Variants in FAM83E observed in about 807,000 individuals in gnomAD.
The protein encoded by FAM83E is protein FAM83E.
FAM83E carries 29 observed loss-of-function variants against 34.3 expected under a neutral mutation model. The ratio of observed to expected loss-of-function variants is 0.85; its 90% CI spans 0.63 to 1.15. The LOEUF (loss-of-function observed/expected upper bound fraction) is 1.15, where lower values mean the gene tolerates loss of function less well. Among genes scored for constraint, FAM83E ranks in the 50% most tolerant of loss-of-function variants. The probability of loss-of-function intolerance (pLI) is 0.00; values close to 1 mark genes in which losing one functional copy is unlikely to be tolerated. For synonymous variants in FAM83E, 312 were observed against 311.6 expected, an observed-to-expected ratio of 1.00 and a Z score of -0.01; for missense variants, 697 against 685.0, an observed-to-expected ratio of 1.02 and a Z score of -0.20.
rs1412964459 is a variant in FAM83E at position 48,600,626 on chromosome 19, G to A, written c.*483C>T. Reference sequence around the variant, plus strand: ...TGGGATTACAGGAGTGAGCCACCTCGATCAGCCTTTCTTTTTCTTTTTTCT... The same window carrying A: ...TGGGATTACAGGAGTGAGCCACCTCAATCAGCCTTTCTTTTTCTTTTTTCT... On this transcript the variant is annotated 3_prime_UTR_variant, in exon 7 of 7. Coordinates refer to ENST00000263266, the MANE Select transcript of FAM83E (RefSeq NM_017708.4). Among the ~76,000 whole-genome samples, 4 of 149,738 alleles carry A rather than the reference G, an allele frequency of 2.7e-5. No homozygotes were observed. The highest frequency in any genetic ancestry group is 6.7e-5 in the Admixed American group (1 of 14,994).
Position 48,610,821 on chromosome 19 carries a change from G to T in FAM83E, c.492C>A (p.Phe164Leu). The change falls in exon 4 of 7, where the codon TTC becomes TTA. Residue 164 changes from phenylalanine (F) to leucine (L), a missense_variant. By Grantham distance (22) the Phe-to-Leu change is conservative. Transcript: ENST00000263266. The part of the protein sequence containing the change: ...HKLVAVVMDV[F>L]TDPDLLLDLV... The stretch of plus-strand genomic sequence containing the variant: ...AGTCCAAAAGCAGGTCTGGGTCAGT[G>T]AAGACGTCCATGACCACGGCCACCA... The T allele has an allele frequency of 6.3e-7, 1 of 1,595,332 alleles. No homozygotes were observed. Among genetic ancestry groups the T allele is most frequent in the Admixed American group, 1.7e-5 (1 of 57,374 alleles).
intron 5 of FAM83E, chr19:48,606,944 C>T: frequency 6.3e-7 from 1 of 1,591,928 alleles, no homozygotes; most frequent in Non-Finnish European, 8.5e-7. Flanking sequence ...AAGCCCACGG[C>T]CTGGCTGGGG....
At position 48,609,981 on chromosome 19, in the gene FAM83E, A is replaced by T; in HGVS notation, c.653T>A (p.Val218Glu). 6.2e-7 allele frequency: 1 copy of T among 1,612,486 alleles called. No individual in the cohort carries two copies. Among genetic ancestry groups the T allele is most frequent in the Non-Finnish European group, 8.5e-7 (1 of 1,179,982 alleles). The change falls in exon 5 of 7, where the codon GTG (valine) becomes GAG (glutamate). Residue 218 changes from valine (V) to glutamate (E), a missense_variant. By Grantham distance (121) the Val-to-Glu change is moderately radical. Transcript: ENST00000263266. The part of the protein sequence containing the change: ...WNTENVDVRV[V>E]RGCSFQSRWR... ...GCGGCTCTGGAAGCTGCAGCCCCGC[A>T]CGACACGGACATCCACGTTCTGTTG...
chr19:48,614,516 G>A lies in FAM83E; in HGVS notation c.-1144C>T. Reference sequence around the variant, plus strand: ...TCCCAAGCCTCAGTTATCCCCTTGAGGCTCCTGACCCAACCTCGGGGACCC... The same window carrying A: ...TCCCAAGCCTCAGTTATCCCCTTGAAGCTCCTGACCCAACCTCGGGGACCC... On this transcript the variant is annotated 5_prime_UTR_variant, in exon 3 of 7. Transcript: ENST00000263266. 1 of 985,570 alleles carries A rather than the reference G, an allele frequency of 1.0e-6. No individual in the cohort carries two copies. Among genetic ancestry groups the A allele is most frequent in the Non-Finnish European group, 1.2e-6 (1 of 830,116 alleles). The allele number at this position is 985,570 out of a possible 1,614,324, so 61.1% of individuals were successfully genotyped here.
In FAM83E at chr19:48,613,418, C is replaced by CG; in HGVS notation, c.-47dup. The stretch of plus-strand genomic sequence containing the variant: ...GACTGACTGTGAGAGGCTGGGTCCC[C>CG]GGGGGTCTGGCTGTCTCTGGGGACT... On this transcript the variant is annotated 5_prime_UTR_variant, in exon 3 of 7. It introduces an in-frame stop codon into an upstream open reading frame of the 5' UTR. Transcript: ENST00000263266. 6.8e-7 allele frequency: 1 copy of CG among 1,471,354 alleles called. No individual in the cohort carries two copies. Among genetic ancestry groups the CG allele is most frequent in the Non-Finnish European group, 9.0e-7 (1 of 1,112,426 alleles). The allele number at this position is 1,471,354 out of a possible 1,614,324, so 91.1% of individuals were successfully genotyped here.
chr19:48,609,265 C>CTTTTTTTTTTTTTTTTTTT (rs869031073), intron 5 of FAM83E, among the ~76,000 whole-genome samples: 3 of 99,692 alleles, frequency 3.0e-5, no homozygotes, highest in Admixed American at 1.3e-4. Flanking sequence ...TTCTTTCTTT[C>CTTTTTTTTTTTTTTTTTTT]TTTTTTTTTT....
chr19:48,607,498 G>C (rs914477026), intron 5 of FAM83E: 1 of 1,152,636 alleles, frequency 8.7e-7, no homozygotes, highest in South Asian at 1.6e-5. Flanking sequence ...TGTCCACCAG[G>C]AGCCCGGTGC....
In FAM83E at chr19:48,603,725, G is replaced by T. The variant is rs747077302; in HGVS notation, c.945C>A (p.Ser315=). Residue 315 remains serine (S), a synonymous_variant, in exon 6 of 7, where the codon TCC becomes TCA. Coordinates refer to ENST00000263266, the MANE Select transcript of FAM83E (RefSeq NM_017708.4). The part of the protein sequence containing the change: ...LQRGRSPHRV[S]RRRSVAPASP... ...ACGCGGGGGCCACGGAGCGGCGGCG[G>T]GACACGCGGTGCGGGCTGCGGCCCC... 70 of 1,465,674 alleles carry T rather than the reference G, an allele frequency of 4.8e-5. No homozygotes were observed. Among genetic ancestry groups the T allele is most frequent in the Non-Finnish European group, 5.9e-5 (66 of 1,117,044 alleles). 90.8% of individuals were successfully genotyped at this position (1,465,674 alleles called of 1,614,324 possible).
At chr19:48,604,051 A>T (rs1473990276) in intron 5 of FAM83E, 140 bp from the exon 6 acceptor site, 1 of 809,050 alleles carries the variant, frequency 1.2e-6, no homozygotes, top group Non-Finnish European at 1.9e-6. Flanking sequence ...CTGTCTGTAG[A>T]ATGGGCACAA....
chr19:48,614,864 T>G, intron 1 of FAM83E, 25 bp from the exon 2 acceptor site: 1 of 929,556 alleles, frequency 1.1e-6, no homozygotes, highest in Middle Eastern at 5.6e-4. Flanking sequence ...GCCCGGCCCC[T>G]TGTGTAAACA....
intron 6 of FAM83E, among the ~76,000 whole-genome samples, chr19:48,603,159 G>A (rs1280851074): frequency 2.0e-5 from 3 of 151,852 alleles, no homozygotes; most frequent in Non-Finnish European, 4.4e-5. Context: ...AACCAAACTC[G>A]GAATGAGTGC....
intron 6 of FAM83E, among the ~76,000 whole-genome samples, chr19:48,602,010 C>T (rs1238477815): frequency 2.0e-5 from 3 of 150,710 alleles, no homozygotes; most frequent in Non-Finnish European, 4.4e-5. Context: ...GGCGTGGTGG[C>T]GTGGGTCTGT....
At chr19:48,607,702 T>C (rs1973961166) in intron 5 of FAM83E, 1 of 244,468 alleles carries the variant, frequency 4.1e-6, no homozygotes, top group African/African-American at 2.2e-5. Flanking sequence ...AAATGACAGC[T>C]GATGTTCATG....
rs751973373 is a variant in FAM83E at position 48,609,948 on chromosome 19, C to T, written c.686G>A (p.Arg229Gln). The change falls in exon 5 of 7, where the codon CGG (arginine) becomes CAG (glutamine). Residue 229 changes from arginine (R) to glutamine (Q), a missense_variant. Transcript: ENST00000263266. Reference sequence around the variant, plus strand: ...CTCCCGCACGGTGCCGCTCACCTGCCGTCGCCAGCGGCTCTGGAAGCTGCA... The same window carrying T: ...CTCCCGCACGGTGCCGCTCACCTGCTGTCGCCAGCGGCTCTGGAAGCTGCA... ...RGCSFQSRWR[R>Q]QVSGTVREKF... 17 of 1,612,964 alleles carry T rather than the reference C, an allele frequency of 1.1e-5. No homozygotes were observed. The highest frequency in any genetic ancestry group is 2.2e-5 in the East Asian group (1 of 44,882).
rs559322662 is a variant in FAM83E, at chr19:48,613,755, C to G, written c.-383G>C. ...AGCTGGCCATCTCTGCTCAGCCACA[C>G]GACAGCCTCCAACCCACCAGTCACA... On this transcript the variant is annotated 5_prime_UTR_variant, in exon 3 of 7. Coordinates refer to ENST00000263266, the MANE Select transcript of FAM83E (RefSeq NM_017708.4). 1.1e-4 allele frequency: 104 copies of G among 985,402 alleles called. No individual in the cohort carries two copies. The highest frequency in any genetic ancestry group is 1.2e-4 in the Non-Finnish European group (103 of 829,920). The allele number at this position is 985,402 out of a possible 1,614,324, so 61.0% of individuals were successfully genotyped here. A position where few individuals can be genotyped will look rare whatever the true frequency, so the allele number is the denominator to read the frequency against.
chr19:48,612,788 A>AG (rs1974067025), intron 3 of FAM83E, 120 bp downstream of exon 3: 1 of 1,188,808 alleles, frequency 8.4e-7, no homozygotes, highest in Non-Finnish European at 1.1e-6. Context: ...CCTGGGTCCC[A>AG]GGGGTATAGG....
intron 5 of FAM83E, among the ~76,000 whole-genome samples, chr19:48,609,617 AC>A (rs1974003934): frequency 6.6e-6 from 1 of 151,566 alleles, no homozygotes; most frequent in Admixed American, 6.6e-5. Flanking sequence ...AACAAACCCC[AC>A]CCCCAAACTG....
In FAM83E at chr19:48,610,204, G is replaced by C. The variant is rs187655326; in HGVS notation, c.634-204C>G. Among the ~76,000 whole-genome samples the C allele has an allele frequency of 5.0e-3, 766 of 152,146 alleles. 8 individuals carry two copies. The highest frequency in any genetic ancestry group is 0.018 in the African/African-American group (742 of 41,508). ...AGCTGAGGTCAGGAGGTCGAGACCA[G>C]CCTGGCCAACATGGCGAAACCCCGT... On this transcript the variant is annotated intron_variant, in intron 4 of 6. Coordinates refer to ENST00000263266, the MANE Select transcript of FAM83E (RefSeq NM_017708.4).
intron 5 of FAM83E, among the ~76,000 whole-genome samples, chr19:48,609,060 CTCTA>C (rs1973988580): frequency 6.6e-6 from 1 of 151,968 alleles, no homozygotes; most frequent in Admixed American, 6.6e-5. Flanking sequence ...GTTCTAGAGG[CTCTA>C]ACCCTATCAG....
Sources: gnomAD v4.1 joint callset for allele counts (sites outside exome capture counted in the v4.1 genomes callset) on GRCh38, gnomAD v4.1.1 for gene constraint, MANE v1.5 for transcripts, NCBI Gene and HGNC (gene_info 2026-07-23, HGNC 2026-07-21) for gene names.